ARK2C: variants seen among roughly 807,000 people sequenced by gnomAD.
ARK2C encodes the protein arkadia (RNF111) C-terminal like ring finger ubiquitin ligase 2C.
At chr18:46,424,173 G>T in the ARK2C span, among the ~76,000 whole-genome samples, 3 of 152,236 alleles carry the variant, frequency 2.0e-5, no homozygotes, top group East Asian at 3.8e-4. Context: ...GTCTTGGAGG[G>T]CTCCCAAGGG....
At chr18:46,348,898 TTCTG>T in the ARK2C span, among the ~76,000 whole-genome samples, 17 of 123,258 alleles carry the variant, frequency 1.4e-4, no homozygotes, top group East Asian at 2.3e-3. Flanking sequence ...CTCTCTCTCT[TTCTG>T]TGTGTGTGTG....
the ARK2C span, among the ~76,000 whole-genome samples, chr18:46,363,015 C>G: frequency 6.6e-6 from 1 of 152,208 alleles, no homozygotes; most frequent in East Asian, 1.9e-4. Context: ...TAAAACCAGA[C>G]CAACCTCTGC....
chr18:46,404,466 A>G, the ARK2C span, among the ~76,000 whole-genome samples: 1 of 152,162 alleles, frequency 6.6e-6, no homozygotes, highest in South Asian at 2.1e-4. Flanking sequence ...AACTCAGTGA[A>G]GTACTGACCA....
the ARK2C span, among the ~76,000 whole-genome samples, chr18:46,424,536 G>A: frequency 6.6e-6 from 1 of 152,170 alleles, no homozygotes; most frequent in Non-Finnish European, 1.5e-5. Context: ...CCCATCTCAG[G>A]TCTGCTCTGT....
the ARK2C span, among the ~76,000 whole-genome samples, chr18:46,394,513 C>T: frequency 6.6e-6 from 1 of 152,204 alleles, no homozygotes. Flanking sequence ...CACCTTCCCC[C>T]CAGCCAGGCT....
chr18:46,373,503 C>T, the ARK2C span, among the ~76,000 whole-genome samples: 1 of 152,208 alleles, frequency 6.6e-6, no homozygotes, highest in Non-Finnish European at 1.5e-5. Context: ...GGGAGCAGGT[C>T]ACTGCATGAT....
At chr18:46,355,861 C>T in the ARK2C span, among the ~76,000 whole-genome samples, 1 of 152,238 alleles carries the variant, frequency 6.6e-6, no homozygotes, top group Non-Finnish European at 1.5e-5. Flanking sequence ...TCCAGTATGG[C>T]CCTGCCATGT....
At chr18:46,397,914 GGT>G in the ARK2C span, among the ~76,000 whole-genome samples, 1 of 120,496 alleles carries the variant, frequency 8.3e-6, no homozygotes, top group African/African-American at 3.2e-5. Flanking sequence ...GTGTGCATGT[GGT>G]GTGTGTGTGA....
chr18:46,352,237 G>A, the ARK2C span, among the ~76,000 whole-genome samples: 1 of 152,096 alleles, frequency 6.6e-6, no homozygotes, highest in African/African-American at 2.4e-5. Context: ...GCTGGTCAAA[G>A]CCCAGAAAAT....
the ARK2C span, among the ~76,000 whole-genome samples, chr18:46,415,891 G>C: frequency 2.6e-5 from 4 of 152,196 alleles, no homozygotes; most frequent in Admixed American, 6.5e-5. Flanking sequence ...GAGGGACCTG[G>C]AGTGCCAGGT....
At chr18:46,432,874 G>A in the ARK2C span, among the ~76,000 whole-genome samples, 4 of 152,344 alleles carry the variant, frequency 2.6e-5, no homozygotes, top group East Asian at 7.7e-4. Context: ...GAATCCGGGA[G>A]GCGGAGCTTG....
chr18:46,454,644 G>A, the ARK2C span, among the ~76,000 whole-genome samples: 1 of 152,214 alleles, frequency 6.6e-6, no homozygotes, highest in Non-Finnish European at 1.5e-5. Context: ...CCAGAGAAGG[G>A]AGACTTGGCA....
the ARK2C span, chr18:46,336,865 A>C: frequency 4.4e-5 from 43 of 985,390 alleles, 1 homozygote; most frequent in East Asian, 3.3e-3. Context: ...TGGAGGCAAA[A>C]AATGTTAAAC....
chr18:46,443,696 C>T, the ARK2C span, among the ~76,000 whole-genome samples: 7 of 152,188 alleles, frequency 4.6e-5, no homozygotes, highest in East Asian at 3.8e-4. Context: ...AGAGACTGTA[C>T]GGCTTTTGAA....
the ARK2C span, among the ~76,000 whole-genome samples, chr18:46,372,163 A>G: frequency 6.6e-6 from 1 of 152,152 alleles, no homozygotes; most frequent in African/African-American, 2.4e-5. Context: ...GGACGGGGCT[A>G]TACCTCAATA....
chr18:46,435,347 G>C, the ARK2C span: 4 of 1,614,128 alleles, frequency 2.5e-6, no homozygotes, highest in Non-Finnish European at 3.4e-6. Context: ...CTTCGACTTC[G>C]GCCAACTGCA....
At chr18:46,335,633 C>T in the ARK2C span, 4 of 151,954 alleles carry the variant, frequency 2.6e-5, no homozygotes, top group African/African-American at 9.7e-5. Context: ...CCGACCAGGG[C>T]TCCTCTACCA....
chr18:46,407,880 C>T, the ARK2C span, among the ~76,000 whole-genome samples: 1 of 152,186 alleles, frequency 6.6e-6, no homozygotes, highest in East Asian at 1.9e-4. Flanking sequence ...GCTTGGAGAA[C>T]CTGGCATACT....
At chr18:46,419,092 C>A in the ARK2C span, among the ~76,000 whole-genome samples, 1 of 152,334 alleles carries the variant, frequency 6.6e-6, no homozygotes, top group South Asian at 2.1e-4. Context: ...CCCGAGTTCA[C>A]CCCAGAAGTA....
Sources: allele counts gnomAD v4.1 joint callset (sites outside exome capture counted in the v4.1 genomes callset), GRCh38; gene constraint gnomAD v4.1.1; transcripts MANE v1.5; gene names NCBI Gene and HGNC (gene_info 2026-07-23, HGNC 2026-07-21).